RAB8B: variants seen among roughly 807,000 people sequenced by gnomAD.
RAB8B encodes the protein RAB8B, member RAS oncogene family, also known as ras-related protein Rab-8B.
Under a neutral mutation model 32.0 loss-of-function variants are expected in RAB8B, and 11 were observed. The ratio of observed to expected loss-of-function variants is 0.34; its 90% confidence interval spans 0.22 to 0.57. The LOEUF (loss-of-function observed/expected upper bound fraction) is 0.57. Among genes scored for constraint, RAB8B ranks in the 20% least tolerant of loss-of-function variants. The pLI is 0.86. For synonymous variants in RAB8B, 103 were observed against 89.6 expected, an observed-to-expected ratio of 1.15 and a Z score of -0.85; for missense variants, 190 against 258.5, an observed-to-expected ratio of 0.73 and a Z score of 1.82.
intron 1 of RAB8B, among the ~76,000 whole-genome samples, chr15:63,190,840 A>G (rs1233908893): frequency 6.6e-6 from 1 of 152,138 alleles, no homozygotes; most frequent in Non-Finnish European, 1.5e-5. Context: ...CTCCCTGTAT[A>G]TTTTGCTTTG....
intron 1 of RAB8B, among the ~76,000 whole-genome samples, chr15:63,234,617 G>C (rs1162947596): frequency 1.3e-5 from 2 of 152,138 alleles, no homozygotes; most frequent in Non-Finnish European, 2.9e-5. Context: ...AGAAATATCT[G>C]GTAAGCAGTA....
At chr15:63,221,586 G>A (rs1412187663) in intron 1 of RAB8B, among the ~76,000 whole-genome samples, 2 of 152,026 alleles carry the variant, frequency 1.3e-5, no homozygotes, top group East Asian at 1.9e-4. Flanking sequence ...ATCCTGTCCC[G>A]AACTGCCCAG....
chr15:63,240,027 G>T (rs1385757520), intron 1 of RAB8B, among the ~76,000 whole-genome samples: 1 of 152,122 alleles, frequency 6.6e-6, no homozygotes, highest in African/African-American at 2.4e-5. Flanking sequence ...ATGCAGGAGT[G>T]CAGGAAAGGA....
chr15:63,193,461 A>G (rs1050487813), intron 1 of RAB8B, among the ~76,000 whole-genome samples: 2 of 152,150 alleles, frequency 1.3e-5, no homozygotes, highest in Admixed American at 1.3e-4. Context: ...TTTCACTCCA[A>G]ATGTTTGAAA....
chr15:63,252,989 C>G (rs985012699), intron 3 of RAB8B, among the ~76,000 whole-genome samples: 2 of 152,196 alleles, frequency 1.3e-5, no homozygotes, highest in African/African-American at 2.4e-5. Context: ...CTCAGGTGAT[C>G]CACCTGCCTC....
At chr15:63,226,024 A>G (rs1452160231) in intron 1 of RAB8B, among the ~76,000 whole-genome samples, 1 of 151,876 alleles carries the variant, frequency 6.6e-6, no homozygotes, top group East Asian at 1.9e-4. Context: ...TATTTTCTGT[A>G]GAGACGGGAT....
chr15:63,219,812 G>C (rs1015375825), intron 1 of RAB8B, among the ~76,000 whole-genome samples: 1 of 152,162 alleles, frequency 6.6e-6, no homozygotes, highest in Admixed American at 6.5e-5. Context: ...ATTGATGGAA[G>C]GCTTCCACTG....
chr15:63,200,648 C>CA (rs1165302478), intron 1 of RAB8B, among the ~76,000 whole-genome samples: 299 of 75,528 alleles, frequency 4.0e-3, no homozygotes, highest in South Asian at 5.7e-3. Context: ...CATGACAAGA[C>CA]AAAAAAAAAA....
chr15:63,197,662 C>T (rs2037614516), intron 1 of RAB8B, among the ~76,000 whole-genome samples: 1 of 152,152 alleles, frequency 6.6e-6, no homozygotes, highest in South Asian at 2.1e-4. Context: ...TGAGCCACCA[C>T]ACCTGGCTGA....
At chr15:63,255,204 A>G (rs1031279075) in intron 3 of RAB8B, among the ~76,000 whole-genome samples, 9 of 152,290 alleles carry the variant, frequency 5.9e-5, no homozygotes, top group Admixed American at 1.3e-4. Context: ...CTCAGCTCCA[A>G]TTGGGGCTGA....
At chr15:63,216,859 C>G (rs75514624) in intron 1 of RAB8B, among the ~76,000 whole-genome samples, 1 of 59,392 alleles carries the variant, frequency 1.7e-5, no homozygotes, top group Non-Finnish European at 3.6e-5. Flanking sequence ...GACTCTGTCT[C>G]AAAAAAAAAA....
At chr15:63,249,810 TA>T (rs1340526646) in intron 3 of RAB8B, 105 bp downstream of exon 3, 33 of 1,230,238 alleles carry the variant, frequency 2.7e-5, no homozygotes, top group Non-Finnish European at 3.5e-5. Flanking sequence ...TGTAGAAAAA[TA>T]AATTTTCTGA....
chr15:63,204,643 T>C (rs922498611), intron 1 of RAB8B, among the ~76,000 whole-genome samples: 6 of 152,222 alleles, frequency 3.9e-5, no homozygotes, highest in Admixed American at 1.3e-4. Flanking sequence ...CTGATTTTAA[T>C]GGAGTAAATT....
intron 1 of RAB8B, among the ~76,000 whole-genome samples, chr15:63,207,343 C>A (rs777450560): frequency 2.0e-5 from 3 of 152,156 alleles, no homozygotes; most frequent in African/African-American, 7.2e-5. Flanking sequence ...AAGCTTGCCC[C>A]CTTCCATGTG....
At chr15:63,234,662 G>T (rs1266053994) in intron 1 of RAB8B, among the ~76,000 whole-genome samples, 1 of 152,126 alleles carries the variant, frequency 6.6e-6, no homozygotes, top group Non-Finnish European at 1.5e-5. Flanking sequence ...CCCCTCACTG[G>T]TGCCACGTGG....
intron 1 of RAB8B, among the ~76,000 whole-genome samples, chr15:63,222,200 A>C (rs984322903): frequency 2.0e-5 from 3 of 152,100 alleles, no homozygotes; most frequent in Non-Finnish European, 4.4e-5. Context: ...ACTGGACAGG[A>C]CCACCATGGT....
rs1332984175 is a variant in RAB8B at position 63,266,351 on chromosome 15, G to A, written c.*2732G>A. 3 of 152,496 alleles carry A rather than the reference G, an allele frequency of 2.0e-5. No homozygotes were observed. Among genetic ancestry groups the A allele is most frequent in the South Asian group, 4.1e-4 (2 of 4,824 alleles). The allele number at this position is 152,496 out of a possible 1,614,324, so 9.4% of individuals were successfully genotyped here. Reference sequence around the variant, plus strand: ...AAATCAGTTGATTGTAAAACGTTTCGCTGGGAACTTATTTTAGCTATATTT... The same window carrying A: ...AAATCAGTTGATTGTAAAACGTTTCACTGGGAACTTATTTTAGCTATATTT... On this transcript the variant is annotated 3_prime_UTR_variant, in exon 8 of 8. Transcript: ENST00000321437.
intron 1 of RAB8B, among the ~76,000 whole-genome samples, chr15:63,220,133 A>G (rs995723630): frequency 1.3e-5 from 2 of 152,184 alleles, no homozygotes; most frequent in Non-Finnish European, 2.9e-5. Context: ...TATAATTACA[A>G]AATTGCTATT....
At chr15:63,236,723 T>C in intron 1 of RAB8B, among the ~76,000 whole-genome samples, 1 of 152,154 alleles carries the variant, frequency 6.6e-6, no homozygotes, top group East Asian at 1.9e-4. Context: ...AAATGGAGTA[T>C]CCATCACCTC....
Sources: gnomAD v4.1 joint callset for allele counts (sites outside exome capture counted in the v4.1 genomes callset) on GRCh38, gnomAD v4.1.1 for gene constraint, MANE v1.5 for transcripts, NCBI Gene and HGNC (gene_info 2026-07-23, HGNC 2026-07-21) for gene names.